Variants in IGF2R observed in about 807,000 individuals in gnomAD.
IGF2R encodes cation-independent mannose-6-phosphate receptor.
A neutral mutation model predicts 270.6 loss-of-function variants in IGF2R; 91 were observed. The observed-to-expected ratio is 0.34, with a 90% CI of 0.28 to 0.40. The LOEUF (loss-of-function observed/expected upper bound fraction) is 0.40. Among genes scored for constraint, IGF2R ranks in the 10% least tolerant of loss-of-function variants. The pLI, the probability that IGF2R is intolerant of heterozygous loss-of-function variation, is 1.00. For missense variants in IGF2R, 2,805 were observed against 3,188.3 expected, an observed-to-expected ratio of 0.88 and a Z score of 2.90; for synonymous variants, 1,316 against 1,258.9, an observed-to-expected ratio of 1.05 and a Z score of -0.96.
At chr6:160,022,821 A>G (rs1317585347) in intron 4 of IGF2R, among the ~76,000 whole-genome samples, 1 of 152,204 alleles carries the variant, frequency 6.6e-6, no homozygotes, top group African/African-American at 2.4e-5. Context: ...AAGAGGCCTT[A>G]CTAAGGGCGA....
chr6:160,034,552 T>A, intron 10 of IGF2R, 30 bp downstream of exon 10: 5 of 1,382,958 alleles, frequency 3.6e-6, no homozygotes, highest in Non-Finnish European at 5.2e-6. Flanking sequence ...CAGCCCCTCC[T>A]CTTTGCATTC....
chr6:160,097,761 G>C (rs1779398358), intron 45 of IGF2R, among the ~76,000 whole-genome samples: 1 of 152,176 alleles, frequency 6.6e-6, no homozygotes, highest in Non-Finnish European at 1.5e-5. Context: ...AGACGACAGT[G>C]GTGGGGGTCA....
rs1198224282 is a variant in IGF2R at position 160,047,794 on chromosome 6, A to G, written c.2232A>G (p.Glu744=). Residue 744 remains glutamate (E), a splice_region_variant and synonymous_variant, in exon 17 of 48, where the codon GAA becomes GAG. Coordinates refer to ENST00000356956, the MANE Select transcript of IGF2R (RefSeq NM_000876.4). ...DAGVGFPEYQ[E]EDNSTYNFRW... is the part of the protein sequence containing the mutation. The stretch of plus-strand genomic sequence containing the variant: ...TCCGCGCATCTGCCGTGGATTAGGA[A>G]GAGGATAACTCCACCTACAACTTCC... 1 of 1,599,138 alleles carries G rather than the reference A, an allele frequency of 6.3e-7. No individual in the cohort carries two copies. The highest frequency in any genetic ancestry group is 1.7e-5 in the Admixed American group (1 of 60,006).
intron 32 of IGF2R, 81 bp downstream of exon 32, chr6:160,072,117 C>A: frequency 1.3e-6 from 2 of 1,579,166 alleles, no homozygotes; most frequent in Admixed American, 1.7e-5. Flanking sequence ...AGGGGAGAGA[C>A]CCAAAGAGAA....
chr6:160,063,575 G>A lies in IGF2R; in HGVS notation c.3831G>A (p.Lys1277=). The A allele has an allele frequency of 1.2e-6, 2 of 1,614,240 alleles. No homozygotes were observed. Among genetic ancestry groups the A allele is most frequent in the Non-Finnish European group, 1.7e-6 (2 of 1,180,044 alleles). Reference sequence around the variant, plus strand: ...TCTGCCCCACAAGTGACAAGTCCAAGGTGGTCTCCTCATGTCAGGAAAAGC... The same window carrying A: ...TCTGCCCCACAAGTGACAAGTCCAAAGTGGTCTCCTCATGTCAGGAAAAGC... ...SDVCPTSDKS[K]VVSSCQEKRE... The change falls in exon 27 of 48, where the codon AAG becomes AAA. Residue 1277 remains lysine, a synonymous_variant. Transcript: ENST00000356956.
Position 160,105,138 on chromosome 6 carries a change from A to G in IGF2R, c.*54A>G. On this transcript the variant is annotated 3_prime_UTR_variant, in exon 48 of 48. Coordinates refer to ENST00000356956, the MANE Select transcript of IGF2R (RefSeq NM_000876.4). The stretch of plus-strand genomic sequence containing the variant: ...GCCGCGGGACAGCCAAGCACCTCCA[A>G]CCAAATAAGACTTCCACTCGATGAT... 7.3e-7 allele frequency: 1 copy of G among 1,368,538 alleles called. No individual in the cohort carries two copies. The highest frequency in any genetic ancestry group is 9.8e-7 in the Non-Finnish European group (1 of 1,021,076). 84.8% of individuals were successfully genotyped at this position (1,368,538 alleles called of 1,614,324 possible).
intron 44 of IGF2R, chr6:160,094,029 G>T: frequency 3.3e-6 from 2 of 599,288 alleles, no homozygotes; most frequent in Non-Finnish European, 3.2e-6. Context: ...TTGCAGTCTA[G>T]TATTTAAGTA....
Position 160,105,247 on chromosome 6 carries a change from C to CA in IGF2R, c.*164dup. 1.6e-6 allele frequency: 1 copy of CA among 609,122 alleles called. No homozygotes were observed. The highest frequency in any genetic ancestry group is 2.9e-6 in the Non-Finnish European group (1 of 350,616). The allele number at this position is 609,122 out of a possible 1,614,324, so 37.7% of individuals were successfully genotyped here. A position where few individuals can be genotyped will look rare whatever the true frequency, so the allele number is the denominator to read the frequency against. ...GGAGAGGGTGAAGGAGGTCAGGCCC[C>CA]ACTCCTTCCTGATTGTTTACAGTCA... On this transcript the variant is annotated 3_prime_UTR_variant, in exon 48 of 48. Coordinates refer to ENST00000356956, the MANE Select transcript of IGF2R (RefSeq NM_000876.4).
chr6:160,097,613 A>G (rs1232867820), intron 45 of IGF2R, among the ~76,000 whole-genome samples: 3 of 152,230 alleles, frequency 2.0e-5, no homozygotes, highest in Non-Finnish European at 2.9e-5. Flanking sequence ...TACAAGCGTG[A>G]GCTGCCATGC....
chr6:160,068,193 A>C, intron 29 of IGF2R, 56 bp from the exon 30 acceptor site: 2 of 1,598,518 alleles, frequency 1.3e-6, no homozygotes, highest in Non-Finnish European at 1.7e-6. Context: ...CAGAGTGCCC[A>C]ATGTTTAAAG....
chr6:159,981,961 A>G (rs1369340204), intron 1 of IGF2R, among the ~76,000 whole-genome samples: 1 of 152,038 alleles, frequency 6.6e-6, no homozygotes, highest in Non-Finnish European at 1.5e-5. Context: ...ATTTATTTGT[A>G]TTTGTCGGCC....
At position 160,083,930 on chromosome 6, in the gene IGF2R, C is replaced by G. The variant is rs1465239796; in HGVS notation, c.5834-20C>G. The G allele has an allele frequency of 6.5e-7, 1 of 1,549,170 alleles. No homozygotes were observed. ...CACAGTGACAGTCTGATCTCTCTCTCTTTTCCCTACACTCCCCAGCAAACA... is the reference window on the plus strand; with the variant it reads ...CACAGTGACAGTCTGATCTCTCTCTGTTTTCCCTACACTCCCCAGCAAACA... On this transcript the variant is annotated intron_variant, in intron 39 of 47. Transcript: ENST00000356956.
intron 38 of IGF2R, 74 bp from the exon 39 acceptor site, chr6:160,080,055 T>C: frequency 6.5e-7 from 1 of 1,534,834 alleles, no homozygotes; most frequent in Non-Finnish European, 8.9e-7. Flanking sequence ...CCTTAGGGAC[T>C]GCTGCTGCAT....
chr6:160,028,888 A>T (rs537580037), intron 6 of IGF2R, among the ~76,000 whole-genome samples: 1 of 150,924 alleles, frequency 6.6e-6, no homozygotes, highest in South Asian at 2.1e-4. Flanking sequence ...TTTTAGTCAA[A>T]TGGTGTTTCT....
rs572413711 is a variant in IGF2R at position 160,070,578 on chromosome 6, A to G, written c.4443+520A>G. 4.6e-5 allele frequency among the ~76,000 whole-genome samples: 7 copies of G among 152,366 alleles called. No individual in the cohort carries two copies. In the East Asian group the frequency reaches 1.4e-3, roughly 29 times the overall value. ...CATTTCTGACACACGGGAGATGCAC[A>G]GTCAGTGAGCATGAGTGCCTGTGAT... is the stretch of plus-strand genomic sequence containing the variant. On this transcript the variant is annotated intron_variant, in intron 31 of 47. Transcript: ENST00000356956.
intron 1 of IGF2R, among the ~76,000 whole-genome samples, chr6:159,988,497 AGT>A (rs1783924572): frequency 7.7e-6 from 1 of 130,214 alleles, no homozygotes; most frequent in Non-Finnish European, 1.6e-5. Context: ...TGGGCGACAG[AGT>A]GAGACTCCGT....
rs1417183899 is a variant in IGF2R at position 160,045,747 on chromosome 6, G to C, written c.1768G>C (p.Asp590His). 2 of 1,614,042 alleles carry C rather than the reference G, an allele frequency of 1.2e-6. No individual in the cohort carries two copies. Among genetic ancestry groups the C allele is most frequent in the Non-Finnish European group, 1.7e-6 (2 of 1,180,018 alleles). Reference sequence around the variant, plus strand: ...CCATCTCTTTTCCCCATTGACAGGTGATCTGGAAAGTGCACCAGTGTTGAG... The same window carrying C: ...CCATCTCTTTTCCCCATTGACAGGTCATCTGGAAAGTGCACCAGTGTTGAG... ...TNITLVCKPG[D>H]LESAPVLRTS... Residue 590 changes from aspartate (D) to histidine (H), a missense_variant and splice_region_variant, in exon 14 of 48, where the codon GAT becomes CAT. Asp to His is a moderately conservative substitution (Grantham distance 81). Around this residue, in one of 2 missense-constraint regions of IGF2R, gnomAD observed 954 missense variants for 981.1 expected, o/e 0.97. Coordinates refer to ENST00000356956, the MANE Select transcript of IGF2R (RefSeq NM_000876.4).
chr6:160,096,456 G>A lies in IGF2R; in HGVS notation c.6673G>A (p.Val2225Met), dbSNP rs752921831. Residue 2225 changes from valine to methionine, a missense_variant, in exon 45 of 48, where the codon GTG becomes ATG. Physicochemically the swap from Val to Met is conservative, Grantham distance 21 (BLOSUM62 1). Transcript: ENST00000356956. ...TTTGACAGACGGCGATCTCGATGTC[G>A]TGTTTGCCTCTTCCTCTAAGTGCGG... ...YYLQDGDLDV[V>M]FASSSKCGKD... 3.1e-6 allele frequency: 5 copies of A among 1,611,342 alleles called. No individual in the cohort carries two copies. The highest frequency in any genetic ancestry group is 4.2e-6 in the Non-Finnish European group (5 of 1,178,600).
At chr6:160,021,758 A>G (rs762981109) in intron 4 of IGF2R, among the ~76,000 whole-genome samples, 5 of 152,200 alleles carry the variant, frequency 3.3e-5, no homozygotes, top group Non-Finnish European at 5.9e-5. Flanking sequence ...CAGAAAAAAA[A>G]GAGAACACTT....
Sources: gnomAD v4.1 joint callset for allele counts (sites outside exome capture counted in the v4.1 genomes callset) on GRCh38, gnomAD v4.1.1 for gene constraint, gnomAD v4.1.1 regional missense constraint, MANE v1.5 for transcripts, NCBI Gene and HGNC (gene_info 2026-07-23, HGNC 2026-07-21) for gene names.